CHL1: variants seen among roughly 807,000 people sequenced by gnomAD.
CHL1 encodes cell adhesion molecule L1 like.
CHL1 carries 96 observed loss-of-function variants against 141.9 expected under a neutral mutation model. The observed-to-expected ratio is 0.68, with a 90% confidence interval of 0.57 to 0.80. CHL1 has a LOEUF of 0.80. Among genes scored for constraint, CHL1 ranks in the 30% least tolerant of loss-of-function variants. The probability of loss-of-function intolerance (pLI) is 0.00; values close to 1 mark genes in which losing one functional copy is unlikely to be tolerated. For missense variants in CHL1, 1,820 were observed against 1,457.2 expected (o/e 1.25, Z -4.05); for synonymous variants, 613 against 502.2 (o/e 1.22, Z -2.95).
intron 1 of CHL1, among the ~76,000 whole-genome samples, chr3:232,237 T>C (rs1701929057): frequency 6.6e-6 from 1 of 152,186 alleles, no homozygotes; most frequent in Non-Finnish European, 1.5e-5. Context: ...TAATTTGGTC[T>C]TTTGAGTGAC....
intron 1 of CHL1, among the ~76,000 whole-genome samples, chr3:234,297 C>T (rs955653036): frequency 4.0e-5 from 6 of 151,828 alleles, no homozygotes; most frequent in Non-Finnish European, 7.4e-5. Flanking sequence ...AAACAAAACT[C>T]CCACAATTAT....
intron 10 of CHL1, 131 bp from the exon 11 acceptor site, chr3:354,509 C>CA: frequency 9.9e-7 from 1 of 1,011,012 alleles, no homozygotes; most frequent in Non-Finnish European, 1.4e-6. Flanking sequence ...GCAAGTTTAC[C>CA]AAAAAGAGCT....
chr3:226,575 G>C (rs980701780), intron 1 of CHL1, among the ~76,000 whole-genome samples: 1 of 151,220 alleles, frequency 6.6e-6, no homozygotes, highest in African/African-American at 2.4e-5. Flanking sequence ...TCAGCCTCCC[G>C]AGTGGCTGGG....
In CHL1 at chr3:266,682, G is replaced by A. The variant is rs78309738; in HGVS notation, c.-95+21990G>A. ...TGAAATAAAACTTGCATTTCATTTT[G>A]AGCAAATAAAGCAAGAGCAAATGGC... On this transcript the variant is annotated intron_variant, in intron 2 of 27. Coordinates refer to ENST00000256509, the MANE Select transcript of CHL1 (RefSeq NM_006614.4). Among the ~76,000 whole-genome samples the A allele has an allele frequency of 6.4e-4, 98 of 152,260 alleles. No individual in the cohort carries two copies. In the East Asian group the frequency reaches 0.018, roughly 28 times the overall value.
intron 25 of CHL1, among the ~76,000 whole-genome samples, chr3:398,640 C>T (rs542354953): frequency 6.6e-6 from 1 of 152,240 alleles, no homozygotes; most frequent in Non-Finnish European, 1.5e-5. Flanking sequence ...ATCTTAATAA[C>T]ACAAACTAAA....
Position 355,872 on chromosome 3 carries a change from T to C in CHL1, c.1165+1101T>C, listed in dbSNP as rs549858763. Among the ~76,000 whole-genome samples, 21 of 152,318 alleles carry C rather than the reference T, an allele frequency of 1.4e-4. No individual in the cohort carries two copies. The South Asian group carries it at 4.1e-3, about 30-fold the overall frequency. ...AGACTGCCTGGGTTTGCATACTGACTCTACCACTTACTAGCTGCGTGACGG... is the reference window on the plus strand; with the variant it reads ...AGACTGCCTGGGTTTGCATACTGACCCTACCACTTACTAGCTGCGTGACGG... On this transcript the variant is annotated intron_variant, in intron 11 of 27. Coordinates refer to ENST00000256509, the MANE Select transcript of CHL1 (RefSeq NM_006614.4).
chr3:344,662 C>T lies in CHL1; in HGVS notation c.801C>T (p.Thr267=), dbSNP rs777540874. The T allele has an allele frequency of 6.2e-7, 1 of 1,613,676 alleles. No homozygotes were observed. Among genetic ancestry groups the T allele is most frequent in the Non-Finnish European group, 8.5e-7 (1 of 1,179,730 alleles). ...PTESGSESSI[T]ILKGEILLLE... Reference sequence around the variant, plus strand: ...AGAGTGGCAGTGAGTCTTCAATTACCATCCTCAAAGGGGAAATCTTGCTGC... The same window carrying T: ...AGAGTGGCAGTGAGTCTTCAATTACTATCCTCAAAGGGGAAATCTTGCTGC... Residue 267 remains threonine (T), a synonymous_variant, in exon 9 of 28, where the codon ACC becomes ACT. Coordinates refer to ENST00000256509, the MANE Select transcript of CHL1 (RefSeq NM_006614.4).
rs541111602 is a variant in CHL1, at chr3:307,379, G to C, written c.-94-12304G>C. Among the ~76,000 whole-genome samples, 44 of 152,250 alleles carry C rather than the reference G, an allele frequency of 2.9e-4. No homozygotes were observed. In the South Asian group the frequency reaches 7.7e-3, roughly 27 times the overall value. On this transcript the variant is annotated intron_variant, in intron 2 of 27. Transcript: ENST00000256509. ...CCCTGTATTCTGTCAGCTTGATGGAGTCCCAGCTGTTAAACCTTTGAGGCA... is the reference window on the plus strand; with the variant it reads ...CCCTGTATTCTGTCAGCTTGATGGACTCCCAGCTGTTAAACCTTTGAGGCA...
At chr3:268,788 T>G (rs62228344) in intron 2 of CHL1, among the ~76,000 whole-genome samples, 6 of 152,088 alleles carry the variant, frequency 3.9e-5, no homozygotes, top group African/African-American at 9.7e-5. Context: ...TATTTAGATT[T>G]GAGTTCAAAT....
intron 5 of CHL1, among the ~76,000 whole-genome samples, chr3:335,976 G>T (rs967261095): frequency 2.6e-5 from 4 of 152,164 alleles, no homozygotes; most frequent in Non-Finnish European, 5.9e-5. Context: ...TATTTTAATC[G>T]ATTCATGTGA....
chr3:230,195 A>G (rs1275484413), intron 1 of CHL1, among the ~76,000 whole-genome samples: 9 of 152,248 alleles, frequency 5.9e-5, no homozygotes, highest in Non-Finnish European at 1.3e-4. Flanking sequence ...CATTCAGTAC[A>G]TAATGAAGAG....
At chr3:222,992 C>G (rs1274377437) in intron 1 of CHL1, among the ~76,000 whole-genome samples, 1 of 152,100 alleles carries the variant, frequency 6.6e-6, no homozygotes, top group African/African-American at 2.4e-5. Flanking sequence ...CCTCCAGCTT[C>G]TCTTGTGTAA....
intron 3 of CHL1, among the ~76,000 whole-genome samples, chr3:324,692 G>T (rs574079330): frequency 2.6e-5 from 4 of 151,124 alleles, no homozygotes; most frequent in Admixed American, 2.6e-4. Context: ...AGGCTCAAGC[G>T]CAGTGGCTTG....
chr3:319,539 C>T, intron 2 of CHL1, 144 bp from the exon 3 acceptor site: 1 of 415,034 alleles, frequency 2.4e-6, no homozygotes, highest in East Asian at 4.3e-5. Flanking sequence ...TAATTTCATT[C>T]ATGCGGAGTT....
chr3:265,707 C>A (rs1695092885), intron 2 of CHL1, among the ~76,000 whole-genome samples: 1 of 152,050 alleles, frequency 6.6e-6, no homozygotes. Flanking sequence ...TGGGAGATGT[C>A]AGAATTTGTA....
chr3:387,181 A>G lies in CHL1; in HGVS notation c.2248-2071A>G, dbSNP rs529127185. Among the ~76,000 whole-genome samples the G allele has an allele frequency of 3.3e-5, 5 of 152,350 alleles. No homozygotes were observed. In the South Asian group the frequency reaches 8.3e-4, roughly 25 times the overall value. The stretch of plus-strand genomic sequence containing the variant: ...GCAAGCTCTTTTTCTAGAAAATTAC[A>G]CACAAAAAGTCATACTAACAATATC... On this transcript the variant is annotated intron_variant, in intron 19 of 27. Coordinates refer to ENST00000256509, the MANE Select transcript of CHL1 (RefSeq NM_006614.4).
chr3:354,670 G>A lies in CHL1; in HGVS notation c.1064G>A (p.Ser355Asn), dbSNP rs557336431. 1.1e-5 allele frequency: 18 copies of A among 1,613,816 alleles called. No homozygotes were observed. The highest frequency in any genetic ancestry group is 2.2e-5 in the South Asian group (2 of 91,070). The change falls in exon 11 of 28, where the codon AGT (serine) becomes AAT (asparagine). Residue 355 changes from serine to asparagine, a missense_variant. Ser to Asn is a conservative substitution (Grantham distance 46). Transcript: ENST00000256509. ...CCTCGCTGGACAAAGAAGCCTCAGAGTGCTGTGTATAGCACCGGAAGCAAT... is the reference window on the plus strand; with the variant it reads ...CCTCGCTGGACAAAGAAGCCTCAGAATGCTGTGTATAGCACCGGAAGCAAT... ...EPPRWTKKPQ[S>N]AVYSTGSNGI...
chr3:255,294 C>T (rs1462089225), intron 2 of CHL1, among the ~76,000 whole-genome samples: 1 of 152,116 alleles, frequency 6.6e-6, no homozygotes, highest in African/African-American at 2.4e-5. Flanking sequence ...ACTGGAGTCC[C>T]AGCTGCTAGG....
Position 382,649 on chromosome 3 carries a change from C to T in CHL1, c.2154C>T (p.Asp718=), listed in dbSNP as rs1305075943. Reference sequence around the variant, plus strand: ...GAAGTCAGCCTAGCCAGCCGTCAGACCATCATGAAACACCACCAGCAGGTA... The same window carrying T: ...GAAGTCAGCCTAGCCAGCCGTCAGATCATCATGAAACACCACCAGCAGGTA... ...VGRSQPSQPS[D]HHETPPAAPD... Residue 718 remains aspartate (D), a synonymous_variant, in exon 18 of 28, where the codon GAC becomes GAT. Coordinates refer to ENST00000256509, the MANE Select transcript of CHL1 (RefSeq NM_006614.4). The T allele has an allele frequency of 2.5e-6, 4 of 1,613,548 alleles. No homozygotes were observed. The highest frequency in any genetic ancestry group is 2.5e-6 in the Non-Finnish European group (3 of 1,179,768).
Sources: gnomAD v4.1 joint callset for allele counts (sites outside exome capture counted in the v4.1 genomes callset) on GRCh38, gnomAD v4.1.1 for gene constraint, MANE v1.5 for transcripts, NCBI Gene and HGNC (gene_info 2026-07-23, HGNC 2026-07-21) for gene names.